The following LDB2 variants were observed in gnomAD, a reference collection of about 807,000 sequenced individuals.
The protein encoded by LDB2 is LIM domain binding 2, also known as LIM domain-binding protein 2.
In LDB2, 12 loss-of-function variants were observed where a neutral mutation model predicts 44.3. The ratio of observed to expected loss-of-function variants is 0.27; its 90% CI spans 0.17 to 0.44. The LOEUF (loss-of-function observed/expected upper bound fraction) is 0.44, where lower values mean the gene tolerates loss of function less well. LDB2 is among the 20% of genes least tolerant of loss of function. The probability of loss-of-function intolerance (pLI) is 1.00; values close to 1 mark genes in which losing one functional copy is unlikely to be tolerated. For synonymous variants in LDB2, 164 were observed against 174.8 expected, an observed-to-expected ratio of 0.94 and a Z score of 0.49; for missense variants, 344 against 473.5, an observed-to-expected ratio of 0.73 and a Z score of 2.54.
At chr4:16,774,367 C>A (rs1395807852) in intron 1 of LDB2, among the ~76,000 whole-genome samples, 6 of 152,174 alleles carry the variant, frequency 3.9e-5, no homozygotes, top group African/African-American at 4.8e-5. Flanking sequence ...TTAATGGGAA[C>A]CTCATGGTGA....
intron 5 of LDB2, among the ~76,000 whole-genome samples, chr4:16,564,472 G>A (rs1041705528): frequency 6.6e-5 from 10 of 152,206 alleles, no homozygotes; most frequent in Admixed American, 5.9e-4. Flanking sequence ...ATTCAGTGAA[G>A]GGGACCAGCA....
intron 1 of LDB2, among the ~76,000 whole-genome samples, chr4:16,783,310 C>T (rs1773700961): frequency 6.6e-6 from 1 of 152,188 alleles, no homozygotes; most frequent in South Asian, 2.1e-4. Flanking sequence ...ATTAAAATTA[C>T]AGTAGATGTT....
rs948928663 is a variant in LDB2, at chr4:16,693,392, C to A, written c.235+65766G>T. Among the ~76,000 whole-genome samples, 4 of 138,132 alleles carry A rather than the reference C, an allele frequency of 2.9e-5. No homozygotes were observed. The Admixed American group carries it at 3.2e-4, about 11-fold the overall frequency. 90.6% of individuals were successfully genotyped at this position (138,132 alleles called of 152,430 possible). On this transcript the variant is annotated intron_variant, in intron 2 of 7. Coordinates refer to ENST00000304523, the MANE Select transcript of LDB2 (RefSeq NM_001290.5). The stretch of plus-strand genomic sequence containing the variant: ...TTTGAGATGAATTCTTGCCCTGTTG[C>A]CCAGGCTGGAATGCAGTGACTGACG...
intron 2 of LDB2, among the ~76,000 whole-genome samples, chr4:16,648,110 T>A (rs1211662286): frequency 6.6e-6 from 1 of 152,202 alleles, no homozygotes; most frequent in Non-Finnish European, 1.5e-5. Flanking sequence ...ATTCAATACA[T>A]GTCTGTAAAT....
chr4:16,567,757 G>A (rs1202152125), intron 5 of LDB2, among the ~76,000 whole-genome samples: 1 of 152,152 alleles, frequency 6.6e-6, no homozygotes, highest in Non-Finnish European at 1.5e-5. Flanking sequence ...GCGACAGAGC[G>A]AGACAACGTC....
At chr4:16,585,282 TGGGCTCTTTA>T (rs1170868234) in intron 5 of LDB2, among the ~76,000 whole-genome samples, 2 of 152,120 alleles carry the variant, frequency 1.3e-5, no homozygotes, top group African/African-American at 2.4e-5. Flanking sequence ...CAGAGACCAG[TGGGCTCTTTA>T]GTGGTTCAGG....
intron 5 of LDB2, chr4:16,581,342 T>C (rs1714350831): frequency 1.1e-6 from 1 of 880,266 alleles, no homozygotes; most frequent in Non-Finnish European, 1.4e-6. Context: ...AGTAAGAAGA[T>C]GATGTTCTCA....
chr4:16,558,222 C>T (rs562275525), intron 5 of LDB2, among the ~76,000 whole-genome samples: 5 of 152,250 alleles, frequency 3.3e-5, no homozygotes, highest in East Asian at 3.9e-4. Flanking sequence ...ATGACTTTGA[C>T]GAGCTGAGAG....
At chr4:16,779,571 G>A (rs1003013135) in intron 1 of LDB2, among the ~76,000 whole-genome samples, 2 of 152,158 alleles carry the variant, frequency 1.3e-5, no homozygotes, top group African/African-American at 4.8e-5. Context: ...GAGTAACCTG[G>A]AGAAAATGAA....
At chr4:16,602,361 A>C (rs995967636) in intron 2 of LDB2, among the ~76,000 whole-genome samples, 1 of 152,206 alleles carries the variant, frequency 6.6e-6, no homozygotes, top group African/African-American at 2.4e-5. Flanking sequence ...CCCAAGAACC[A>C]CAGGGGCAAA....
intron 2 of LDB2, among the ~76,000 whole-genome samples, chr4:16,678,776 A>C (rs1041287809): frequency 6.6e-6 from 1 of 152,208 alleles, no homozygotes; most frequent in Non-Finnish European, 1.5e-5. Flanking sequence ...ACTCCAGCTC[A>C]TGACAGGGTG....
chr4:16,780,717 T>TA (rs1554016646), intron 1 of LDB2, among the ~76,000 whole-genome samples: 1 of 129,536 alleles, frequency 7.7e-6, no homozygotes, highest in African/African-American at 3.9e-5. Flanking sequence ...GGTATTTCAA[T>TA]TTTTTTTTTT....
chr4:16,765,391 C>T (rs1168354823), intron 1 of LDB2, among the ~76,000 whole-genome samples: 1 of 152,190 alleles, frequency 6.6e-6, no homozygotes, highest in Non-Finnish European at 1.5e-5. Flanking sequence ...CCTACAATGT[C>T]CAGCAAATGC....
chr4:16,759,981 C>T (rs1406222511), intron 1 of LDB2, among the ~76,000 whole-genome samples: 3 of 152,160 alleles, frequency 2.0e-5, no homozygotes, highest in East Asian at 1.9e-4. Context: ...ACTTTGGAAG[C>T]GGCCCAGTTT....
intron 1 of LDB2, among the ~76,000 whole-genome samples, chr4:16,887,953 C>T (rs779147934): frequency 1.3e-5 from 2 of 152,114 alleles, no homozygotes; most frequent in Non-Finnish European, 2.9e-5. Context: ...TACTACCCAT[C>T]CACCTGATCC....
chr4:16,709,727 T>C (rs1356738045), intron 2 of LDB2, among the ~76,000 whole-genome samples: 1 of 152,194 alleles, frequency 6.6e-6, no homozygotes, highest in East Asian at 1.9e-4. Flanking sequence ...TTCTACTGAA[T>C]TGGAGAATTC....
rs79359245 is a variant in LDB2 at position 16,852,406 on chromosome 4, A to T, written c.132+45948T>A. 7.2e-5 allele frequency among the ~76,000 whole-genome samples: 11 copies of T among 152,322 alleles called. No homozygotes were observed. In the East Asian group the frequency reaches 2.1e-3, roughly 29 times the overall value. On this transcript the variant is annotated intron_variant, in intron 1 of 7. Transcript: ENST00000304523. ...TCCCTTCATACACATCTGCAATGCA[A>T]TGAAGTGGTGAACTTCCACACACAT...
chr4:16,682,681 C>T (rs534643687), intron 2 of LDB2, among the ~76,000 whole-genome samples: 2 of 152,332 alleles, frequency 1.3e-5, no homozygotes, highest in South Asian at 4.1e-4. Flanking sequence ...CAGAGGTCAA[C>T]TTAGCTCCTG....
intron 1 of LDB2, among the ~76,000 whole-genome samples, chr4:16,829,943 A>G (rs1356514516): frequency 1.3e-5 from 2 of 152,050 alleles, no homozygotes; most frequent in East Asian, 3.9e-4. Context: ...TGTCTCTACT[A>G]AAAATGCAAA....
Sources: gnomAD v4.1 joint callset for allele counts (sites outside exome capture counted in the v4.1 genomes callset) on GRCh38, gnomAD v4.1.1 for gene constraint, MANE v1.5 for transcripts, NCBI Gene and HGNC (gene_info 2026-07-23, HGNC 2026-07-21) for gene names.